The following KDM4C variants were observed in gnomAD, a reference collection of about 807,000 sequenced individuals.
The protein encoded by KDM4C is lysine-specific demethylase 4C.
KDM4C carries 81 observed loss-of-function variants against 129.3 expected under a neutral mutation model. That is an observed-to-expected ratio of 0.63 (90% confidence interval 0.52 to 0.75). The LOEUF is 0.75. Among genes scored for constraint, KDM4C ranks in the 30% least tolerant of loss-of-function variants. The probability of loss-of-function intolerance (pLI) is 0.00; values close to 1 mark genes in which losing one functional copy is unlikely to be tolerated. For synonymous variants in KDM4C, 573 were observed against 456.1 expected, an observed-to-expected ratio of 1.26 and a Z score of -3.26; for missense variants, 1,457 against 1,304.0, an observed-to-expected ratio of 1.12 and a Z score of -1.81.
At chr9:6,803,819 TTTTAA>T (rs946946513) in intron 2 of KDM4C, among the ~76,000 whole-genome samples, 6 of 152,030 alleles carry the variant, frequency 3.9e-5, no homozygotes, top group South Asian at 2.1e-4. Flanking sequence ...GTACGTTCTA[TTTTAA>T]TTTAATTTAA....
intron 4 of KDM4C, chr9:6,835,169 A>G (rs1330609570): frequency 8.4e-6 from 8 of 948,818 alleles, no homozygotes; most frequent in Non-Finnish European, 1.4e-5. Flanking sequence ...GAGAAGAGCT[A>G]TGAGCTGACT....
intron 8 of KDM4C, among the ~76,000 whole-genome samples, chr9:6,972,843 T>C (rs1394496823): frequency 1.3e-5 from 2 of 152,248 alleles, no homozygotes; most frequent in African/African-American, 2.4e-5. Context: ...CCTGATTGAT[T>C]ATGTTTAAAT....
At chr9:6,798,639 CTT>C (rs1234175162) in intron 2 of KDM4C, among the ~76,000 whole-genome samples, 6 of 152,242 alleles carry the variant, frequency 3.9e-5, no homozygotes, top group Non-Finnish European at 1.5e-5. Flanking sequence ...ATGTCTACTT[CTT>C]TCCACACAGA....
At chr9:6,746,900 G>T (rs1175747740) in intron 1 of KDM4C, among the ~76,000 whole-genome samples, 1 of 149,320 alleles carries the variant, frequency 6.7e-6, no homozygotes, top group Non-Finnish European at 1.5e-5. Flanking sequence ...CAGCTACTCG[G>T]GAGGCTGAGG....
chr9:6,788,686 A>C (rs1345539981), intron 1 of KDM4C, among the ~76,000 whole-genome samples: 1 of 152,130 alleles, frequency 6.6e-6, no homozygotes, highest in Non-Finnish European at 1.5e-5. Context: ...GCTAGGGCTT[A>C]AAGAGGTGGC....
chr9:7,114,265 G>A (rs1413837849), intron 18 of KDM4C, among the ~76,000 whole-genome samples: 1 of 152,052 alleles, frequency 6.6e-6, no homozygotes, highest in East Asian at 1.9e-4. Context: ...GCTTTATTCT[G>A]GAAATAGCTG....
intron 8 of KDM4C, among the ~76,000 whole-genome samples, chr9:6,929,333 A>G (rs1457398123): frequency 6.6e-6 from 1 of 152,150 alleles, no homozygotes; most frequent in East Asian, 1.9e-4. Context: ...CCCTTTTACT[A>G]TTTACTCAAC....
chr9:6,744,975 C>T (rs750831334), intron 1 of KDM4C, among the ~76,000 whole-genome samples: 3 of 152,128 alleles, frequency 2.0e-5, no homozygotes, highest in Admixed American at 6.6e-5. Context: ...CCTCTTCCTC[C>T]TCCTATTCCT....
intron 4 of KDM4C, among the ~76,000 whole-genome samples, chr9:6,832,753 G>C (rs1259782226): frequency 2.7e-5 from 3 of 112,142 alleles, no homozygotes; most frequent in African/African-American, 7.1e-5. Flanking sequence ...CGGAGATGGA[G>C]TTTTGCTCTT....
intron 12 of KDM4C, among the ~76,000 whole-genome samples, chr9:6,995,044 G>C (rs1390309960): frequency 7.3e-6 from 1 of 137,742 alleles, no homozygotes; most frequent in East Asian, 2.5e-4. Flanking sequence ...GGCTACGGTG[G>C]TCCTGAGAGT....
intron 15 of KDM4C, among the ~76,000 whole-genome samples, chr9:7,029,299 T>G (rs201156661): frequency 0.15 from 21,903 of 149,256 alleles, 1,779 homozygotes; most frequent in East Asian, 0.27. Context: ...CACCGTTTTT[T>G]TTTTTTTTTT....
rs970510871 is a variant in KDM4C, at chr9:6,758,186, C to A, written c.-35C>A. 2 of 985,960 alleles carry A rather than the reference C, an allele frequency of 2.0e-6. No individual in the cohort carries two copies. The highest frequency in any genetic ancestry group is 2.4e-6 in the Non-Finnish European group (2 of 830,460). 61.1% of individuals were successfully genotyped at this position (985,960 alleles called of 1,614,324 possible). ...CCTCCTCCACCGAGTCGTGCTCTCG[C>A]CCCAACCCGCGCGCCAGGTAACCGC... On this transcript the variant is annotated 5_prime_UTR_variant, in exon 1 of 22. Transcript: ENST00000381309. This position sits in a 1 kb window ranked among gnomAD's most constrained non-coding sequence, Gnocchi z 4.6.
At chr9:6,981,246 G>T (rs988885910) in intron 9 of KDM4C, 128 bp downstream of exon 9, 2 of 651,420 alleles carry the variant, frequency 3.1e-6, no homozygotes, top group Non-Finnish European at 5.0e-6. Context: ...TTCTGAAAAT[G>T]TGAGACATTA....
At chr9:7,093,682 C>T (rs1194217402) in intron 17 of KDM4C, among the ~76,000 whole-genome samples, 1 of 152,132 alleles carries the variant, frequency 6.6e-6, no homozygotes, top group Non-Finnish European at 1.5e-5. Context: ...TACAGGATTA[C>T]AGAGGAGACA....
rs139172969 is a variant in KDM4C at position 6,731,173 on chromosome 9, A to G, written c.49+10176A>G. Among the ~76,000 whole-genome samples the G allele has an allele frequency of 8.3e-4, 127 of 152,288 alleles. 2 individuals are homozygous for G. In the East Asian group the frequency reaches 0.019, roughly 23 times the overall value. On this transcript the variant is annotated intron_variant, in intron 1 of 17. Coordinates refer to the KDM4C transcript ENST00000536108. ...ACACTGTGGGCTTTGCAAGGTGGGA[A>G]CAAGGACTCAGTAGAGGGTACCTTC...
chr9:6,776,922 C>T lies in KDM4C; in HGVS notation c.-17-16050C>T, dbSNP rs528906524. On this transcript the variant is annotated intron_variant, in intron 1 of 21. Transcript: ENST00000381309. ...GGGCCTCAATCCCACCTTTTAAAGG[C>T]TTCTCCTACTGTGCCCATTTGTAGT... Among the ~76,000 whole-genome samples, 3 of 152,286 alleles carry T rather than the reference C, an allele frequency of 2.0e-5. No homozygotes were observed. The East Asian group carries it at 5.8e-4, about 29-fold the overall frequency.
intron 5 of KDM4C, among the ~76,000 whole-genome samples, chr9:6,860,145 G>C (rs932931660): frequency 6.6e-6 from 1 of 152,156 alleles, no homozygotes; most frequent in African/African-American, 2.4e-5. Flanking sequence ...ATTTTCAGAG[G>C]GCTGTAATGT....
chr9:7,083,493 T>A lies in KDM4C; in HGVS notation c.2425-20192T>A, dbSNP rs118036435. ...CCTTGATGGCATAGACTACTACACA[T>A]CTAGGCTATATGGTATAGCCTATTG... On this transcript the variant is annotated intron_variant, in intron 17 of 21. Coordinates refer to ENST00000381309, the MANE Select transcript of KDM4C (RefSeq NM_015061.6). Among the ~76,000 whole-genome samples, 12 of 152,334 alleles carry A rather than the reference T, an allele frequency of 7.9e-5. No individual in the cohort carries two copies. In the East Asian group the frequency reaches 2.3e-3, roughly 29 times the overall value.
Position 7,174,822 on chromosome 9 carries a change from C to T in KDM4C, c.*93C>T. ...GGGGCTGTGCCGTGAGTTTTGCTGG[C>T]ATAGGTGACAGGGTGTGTCTCTGAC... is the stretch of plus-strand genomic sequence containing the variant. On this transcript the variant is annotated 3_prime_UTR_variant, in exon 22 of 22. Transcript: ENST00000381309. 1 of 1,099,558 alleles carries T rather than the reference C, an allele frequency of 9.1e-7. No homozygotes were observed. The highest frequency in any genetic ancestry group is 1.5e-5 in the South Asian group (1 of 67,202). 68.1% of individuals were successfully genotyped at this position (1,099,558 alleles called of 1,614,324 possible).
Sources: gnomAD v4.1 joint callset for allele counts (sites outside exome capture counted in the v4.1 genomes callset) on GRCh38, gnomAD v4.1.1 for gene constraint, Gnocchi (gnomAD v3.1) non-coding constraint, MANE v1.5 for transcripts, NCBI Gene and HGNC (gene_info 2026-07-23, HGNC 2026-07-21) for gene names.